CLASP1: variants seen among roughly 807,000 people sequenced by gnomAD.
The protein encoded by CLASP1 is cytoplasmic linker associated protein 1.
A neutral mutation model predicts 192.3 loss-of-function variants in CLASP1; 38 were observed. The ratio of observed to expected loss-of-function variants is 0.20; its 90% CI spans 0.15 to 0.26. The LOEUF (loss-of-function observed/expected upper bound fraction) is 0.26. Among genes scored for constraint, CLASP1 ranks in the 10% least tolerant of loss-of-function variants. The pLI, the probability that CLASP1 is intolerant of heterozygous loss-of-function variation, is 1.00. For missense variants in CLASP1, 1,433 were observed against 1,932.5 expected (o/e 0.74, Z 4.85); for synonymous variants, 691 against 712.8 (o/e 0.97, Z 0.49).
At chr2:121,374,584 G>C (rs1290171334) in intron 34 of CLASP1, among the ~76,000 whole-genome samples, 1 of 152,254 alleles carries the variant, frequency 6.6e-6, no homozygotes, top group Non-Finnish European at 1.5e-5. Flanking sequence ...GTCCATGAAA[G>C]CAGCTGTAGG....
intron 38 of CLASP1, 41 bp downstream of exon 39, chr2:121,348,471 C>T (rs1373492001): frequency 6.5e-7 from 1 of 1,549,758 alleles, no homozygotes. Context: ...TAGGCAACCC[C>T]ACACAGGCCG....
At chr2:121,499,801 T>C (rs980115363) in intron 8 of CLASP1, among the ~76,000 whole-genome samples, 1 of 151,594 alleles carries the variant, frequency 6.6e-6, no homozygotes, top group African/African-American at 2.4e-5. Context: ...TAAACTTCTA[T>C]TCCTGCTCTG....
chr2:121,398,423 C>T (rs1430979921), intron 28 of CLASP1, 23 bp from the exon 30 acceptor site: 1 of 1,495,158 alleles, frequency 6.7e-7, no homozygotes, highest in South Asian at 1.2e-5. Context: ...GAAAAAAGTG[C>T]TTATTTTTAA....
intron 1 of CLASP1, among the ~76,000 whole-genome samples, chr2:121,629,224 A>G (rs943491029): frequency 6.6e-6 from 1 of 151,956 alleles, no homozygotes; most frequent in East Asian, 1.9e-4. Flanking sequence ...CCCCGTCTCT[A>G]CTAAAAATAC....
intron 19 of CLASP1, among the ~76,000 whole-genome samples, chr2:121,435,976 T>A (rs1023102339): frequency 1.3e-5 from 2 of 152,170 alleles, no homozygotes; most frequent in Non-Finnish European, 2.9e-5. Flanking sequence ...TGGCTTTCCT[T>A]TGTAGGTAGT....
chr2:121,616,630 A>G (rs543956849), intron 1 of CLASP1, among the ~76,000 whole-genome samples: 4 of 152,304 alleles, frequency 2.6e-5, no homozygotes, highest in African/African-American at 7.2e-5. Flanking sequence ...TTCTATCAAT[A>G]AGACAATCTT....
intron 2 of CLASP1, among the ~76,000 whole-genome samples, chr2:121,589,929 C>G (rs566083854): frequency 2.0e-5 from 3 of 152,164 alleles, no homozygotes; most frequent in South Asian, 2.1e-4. Context: ...ATCAGGTCTT[C>G]CTCCTCCTTC....
At position 121,633,028 on chromosome 2, in the gene CLASP1, A is replaced by ATATATATATATATG. The variant is rs71398039; in HGVS notation, c.-286+16343_-286+16344insCATATATATATATA. Among the ~76,000 whole-genome samples, 208 of 137,522 alleles carry ATATATATATATATG rather than the reference A, an allele frequency of 1.5e-3. 12 individuals are homozygous for ATATATATATATATG. Among genetic ancestry groups the ATATATATATATATG allele is most frequent in the African/African-American group, 5.5e-3 (189 of 34,244 alleles). The allele number at this position is 137,522 out of a possible 152,430, so 90.2% of individuals were successfully genotyped here. A position where few individuals can be genotyped will look rare whatever the true frequency, so the allele number is the denominator to read the frequency against. ...TGTGCATATATATATATATATATAT[A>ATATATATATATATG]GGCTTTTTTTCATGAATATAATTAA... On this transcript the variant is annotated intron_variant, in intron 1 of 39. Coordinates refer to ENST00000263710, the Ensembl canonical transcript of CLASP1.
At chr2:121,533,038 A>G (rs1321657017) in intron 2 of CLASP1, among the ~76,000 whole-genome samples, 2 of 152,156 alleles carry the variant, frequency 1.3e-5, no homozygotes, top group African/African-American at 4.8e-5. Flanking sequence ...TAAGGTAAAG[A>G]GGACTATTGT....
chr2:121,526,272 C>T (rs1441825945), intron 5 of CLASP1, among the ~76,000 whole-genome samples: 4 of 152,212 alleles, frequency 2.6e-5, no homozygotes, highest in South Asian at 2.1e-4. Context: ...AAGCCAACTA[C>T]GAGTCACTTG....
intron 7 of CLASP1, among the ~76,000 whole-genome samples, chr2:121,507,372 A>G (rs1020244489): frequency 3.3e-5 from 5 of 152,352 alleles, no homozygotes; most frequent in South Asian, 2.1e-4. Context: ...TTTGAAGATC[A>G]GTCAAATGAT....
intron 13 of CLASP1, among the ~76,000 whole-genome samples, chr2:121,458,382 A>G (rs1166164063): frequency 6.6e-6 from 1 of 152,220 alleles, no homozygotes; most frequent in African/African-American, 2.4e-5. Flanking sequence ...TTAAACAAAC[A>G]AGTGCCTAGA....
intron 37 of CLASP1, among the ~76,000 whole-genome samples, chr2:121,362,181 G>C (rs1487401953): frequency 6.6e-6 from 1 of 152,248 alleles, no homozygotes; most frequent in African/African-American, 2.4e-5. Flanking sequence ...TCACTCTGGG[G>C]TCAAACCCAT....
intron 35 of CLASP1, among the ~76,000 whole-genome samples, chr2:121,367,057 C>T (rs576134241): frequency 6.6e-6 from 1 of 152,212 alleles, no homozygotes; most frequent in African/African-American, 2.4e-5. Flanking sequence ...GTATGTCAAA[C>T]CCCTGCCTCC....
At chr2:121,517,108 G>A (rs891889885) in intron 6 of CLASP1, among the ~76,000 whole-genome samples, 1 of 152,246 alleles carries the variant, frequency 6.6e-6, no homozygotes, top group East Asian at 1.9e-4. Context: ...GTATGTATGT[G>A]TGTACACAGA....
intron 30 of CLASP1, among the ~76,000 whole-genome samples, chr2:121,396,083 T>C (rs527966475): frequency 2.8e-4 from 43 of 152,190 alleles, no homozygotes; most frequent in Non-Finnish European, 5.0e-4. Flanking sequence ...TTAAATCACA[T>C]TACTTGGGAA....
chr2:121,571,585 G>A (rs533070558), intron 2 of CLASP1, among the ~76,000 whole-genome samples: 1 of 152,270 alleles, frequency 6.6e-6, no homozygotes, highest in South Asian at 2.1e-4. Context: ...GGCAAAGTGT[G>A]GTGTGGGCTC....
rs2081374540 is a variant in CLASP1 at position 121,431,425 on chromosome 2, T to G, written c.1913-1248A>C. Among the ~76,000 whole-genome samples the G allele has an allele frequency of 2.0e-5, 3 of 152,158 alleles. No homozygotes were observed. The South Asian group carries it at 6.2e-4, about 32-fold the overall frequency. On this transcript the variant is annotated intron_variant, in intron 19 of 39. Transcript: ENST00000263710. Reference sequence around the variant, plus strand: ...CCGAGAAACAGGGAAATTAATTAATTTGTTCAATGTGACACTACTGGTCTA... The same window carrying G: ...CCGAGAAACAGGGAAATTAATTAATGTGTTCAATGTGACACTACTGGTCTA...
intron 1 of CLASP1, among the ~76,000 whole-genome samples, chr2:121,611,150 T>A (rs1342997674): frequency 1.2e-5 from 1 of 82,766 alleles, no homozygotes; most frequent in African/African-American, 4.7e-5. Context: ...GAAGAGGAAC[T>A]GGAGGAGGAG....
Sources: gnomAD v4.1 joint callset for allele counts (sites outside exome capture counted in the v4.1 genomes callset) on GRCh38, gnomAD v4.1.1 for gene constraint, MANE v1.5 for transcripts, NCBI Gene and HGNC (gene_info 2026-07-23, HGNC 2026-07-21) for gene names.